Variants in NAV2 observed in about 807,000 individuals in gnomAD.
NAV2 encodes the protein neuron navigator 2, also known as helicase, APC down-regulated 1.
Under a neutral mutation model 223.2 loss-of-function variants are expected in NAV2, and 54 were observed. That is an observed-to-expected ratio of 0.24 (90% CI 0.19 to 0.30). The LOEUF (loss-of-function observed/expected upper bound fraction) is 0.30. NAV2 is among the 10% of genes least tolerant of loss of function. NAV2 has a pLI of 1.00. For synonymous variants in NAV2, 1,279 were observed against 1,239.3 expected (o/e 1.03, Z -0.67); for missense variants, 2,806 against 3,147.5 (o/e 0.89, Z 2.60).
chr11:19,690,793 G>A (rs982145935), intron 1 of NAV2, among the ~76,000 whole-genome samples: 1 of 152,194 alleles, frequency 6.6e-6, no homozygotes, highest in Admixed American at 6.5e-5. Flanking sequence ...TTCTAGTCCA[G>A]GTTCTTCATT....
intron 29 of NAV2, among the ~76,000 whole-genome samples, chr11:20,094,830 C>T (rs547190979): frequency 3.1e-4 from 47 of 152,220 alleles, no homozygotes; most frequent in Non-Finnish European, 5.0e-4. Flanking sequence ...TTTGCTTAGC[C>T]GCCATATGAC....
At chr11:19,808,561 G>A (rs1419498274) in intron 1 of NAV2, among the ~76,000 whole-genome samples, 5 of 152,176 alleles carry the variant, frequency 3.3e-5, no homozygotes. Flanking sequence ...AGAGATGTGA[G>A]TTTGTTATCT....
chr11:20,035,168 C>A (rs1341859581), intron 11 of NAV2, among the ~76,000 whole-genome samples: 1 of 151,792 alleles, frequency 6.6e-6, no homozygotes, highest in African/African-American at 2.4e-5. Flanking sequence ...GTAATCCAGG[C>A]AGCATTGACC....
At chr11:19,718,149 C>T (rs1260602007) in intron 1 of NAV2, among the ~76,000 whole-genome samples, 1 of 151,830 alleles carries the variant, frequency 6.6e-6, no homozygotes, top group East Asian at 1.9e-4. Flanking sequence ...TGCCTTCCCC[C>T]AAGTATGAAC....
Position 19,760,565 on chromosome 11 carries a change from G to A in NAV2, c.267+46603G>A, listed in dbSNP as rs116126619. ...TTGCCCCTTTGCTGGGCTTTTCAGG[G>A]GCTTGGCTGGGTCTTACTATGCCAG... is the stretch of plus-strand genomic sequence containing the variant. On this transcript the variant is annotated intron_variant, in intron 1 of 37. Transcript: ENST00000349880. Among the ~76,000 whole-genome samples, 603 of 152,238 alleles carry A rather than the reference G, an allele frequency of 4.0e-3. 2 individuals are homozygous for A. The highest frequency in any genetic ancestry group is 0.014 in the African/African-American group (575 of 41,548).
chr11:19,860,263 C>T (rs1361439117), intron 3 of NAV2, among the ~76,000 whole-genome samples: 1 of 144,630 alleles, frequency 6.9e-6, no homozygotes, highest in Non-Finnish European at 1.5e-5. Context: ...AGGGGCTCCT[C>T]ACTTCTCAGA....
chr11:20,032,565 A>G (rs2055885799), intron 11 of NAV2, among the ~76,000 whole-genome samples: 1 of 152,208 alleles, frequency 6.6e-6, no homozygotes, highest in African/African-American at 2.4e-5. Flanking sequence ...ATTATGAGAA[A>G]TTTTAGATAC....
At chr11:20,091,757 C>T (rs983050188) in intron 27 of NAV2, among the ~76,000 whole-genome samples, 2 of 152,296 alleles carry the variant, frequency 1.3e-5, no homozygotes, top group African/African-American at 4.8e-5. Flanking sequence ...AACACTCTTT[C>T]CATGAGAAGC....
rs539792445 is a variant in NAV2 at position 19,663,402 on chromosome 11, A to G, written c.76-169082A>G. Among the ~76,000 whole-genome samples, 6 of 152,342 alleles carry G rather than the reference A, an allele frequency of 3.9e-5. No homozygotes were observed. In the South Asian group the frequency reaches 1.2e-3, roughly 32 times the overall value. On this transcript the variant is annotated intron_variant, in intron 1 of 37. Coordinates refer to the NAV2 transcript ENST00000360655. ...CTACCATTATGTCAAATTTGCAAAT[A>G]AAACAGAGGCTTAGAGAAGATAAGA...
chr11:19,804,090 C>G (rs1416239837), intron 1 of NAV2, among the ~76,000 whole-genome samples: 1 of 152,156 alleles, frequency 6.6e-6, no homozygotes. Flanking sequence ...AAGAGCCAGA[C>G]CTCATGCACT....
rs556771591 is a variant in NAV2 at position 20,037,270 on chromosome 11, A to G, written c.2907+1173A>G. On this transcript the variant is annotated intron_variant, in intron 12 of 37. Coordinates refer to ENST00000349880, the MANE Select transcript of NAV2 (RefSeq NM_145117.5). ...ACTGCCCCGTCTTTCACTCCCTTCC[A>G]TAACCTCTTCCTTTCTCAGCAGTGC... is the stretch of plus-strand genomic sequence containing the variant. 3.5e-3 allele frequency among the ~76,000 whole-genome samples: 453 copies of G among 130,092 alleles called. 3 individuals carry two copies. The highest frequency in any genetic ancestry group is 4.2e-3 in the Non-Finnish European group (262 of 62,800). The allele number at this position is 130,092 out of a possible 152,430, so 85.3% of individuals were successfully genotyped here. A position where few individuals can be genotyped will look rare whatever the true frequency, so the allele number is the denominator to read the frequency against.
At chr11:20,102,824 G>A (rs1019009509) in intron 32 of NAV2, among the ~76,000 whole-genome samples, 3 of 152,100 alleles carry the variant, frequency 2.0e-5, no homozygotes, top group African/African-American at 7.2e-5. Context: ...ACTTCCCCAA[G>A]CCCGGTGCAT....
intron 1 of NAV2, chr11:19,511,639 C>T (rs947668134): frequency 3.9e-5 from 6 of 152,218 alleles, no homozygotes; most frequent in Admixed American, 2.0e-4. Flanking sequence ...TGGAAGCAGA[C>T]GCTGTTTACT....
chr11:19,879,096 C>T (rs948656128), intron 4 of NAV2, among the ~76,000 whole-genome samples: 1 of 152,178 alleles, frequency 6.6e-6, no homozygotes, highest in Non-Finnish European at 1.5e-5. Context: ...GCGTTAACTG[C>T]ATAGAAAGGA....
At chr11:19,520,355 G>A (rs913954837) in intron 1 of NAV2, among the ~76,000 whole-genome samples, 2 of 152,224 alleles carry the variant, frequency 1.3e-5, no homozygotes, top group Non-Finnish European at 2.9e-5. Flanking sequence ...TAAATGACTT[G>A]CCAGGGCAGA....
At chr11:19,535,005 A>T (rs1188885842) in intron 1 of NAV2, among the ~76,000 whole-genome samples, 1 of 152,200 alleles carries the variant, frequency 6.6e-6, no homozygotes, top group Non-Finnish European at 1.5e-5. Flanking sequence ...TCCTTAGCAC[A>T]GTGCCTGGGA....
chr11:19,375,693 T>G (rs539080565), intron 1 of NAV2, among the ~76,000 whole-genome samples: 1 of 152,332 alleles, frequency 6.6e-6, no homozygotes, highest in South Asian at 2.1e-4. Flanking sequence ...TTGTTTTCAC[T>G]TGTGCAGGTG....
intron 10 of NAV2, among the ~76,000 whole-genome samples, chr11:19,972,968 T>C (rs2049379590): frequency 6.6e-6 from 1 of 152,208 alleles, no homozygotes; most frequent in South Asian, 2.1e-4. Flanking sequence ...CTACAGTGCT[T>C]CCAGAAATCT....
At chr11:20,093,294 G>A (rs2060989184) in intron 29 of NAV2, 95 bp downstream of exon 29, 1 of 806,096 alleles carries the variant, frequency 1.2e-6, no homozygotes, top group South Asian at 1.5e-5. Context: ...TCACCTTGGA[G>A]CCTAAGGTGA....
Sources: gnomAD v4.1 joint callset for allele counts (sites outside exome capture counted in the v4.1 genomes callset) on GRCh38, gnomAD v4.1.1 for gene constraint, MANE v1.5 for transcripts, NCBI Gene and HGNC (gene_info 2026-07-23, HGNC 2026-07-21) for gene names.